Variants in KCTD1 observed in about 807,000 individuals in gnomAD.
The protein encoded by KCTD1 is BTB/POZ domain-containing protein KCTD1.
A neutral mutation model predicts 66.0 loss-of-function variants in KCTD1; 24 were observed. The ratio of observed to expected loss-of-function variants is 0.36; its 90% CI spans 0.26 to 0.51. The LOEUF (loss-of-function observed/expected upper bound fraction) is 0.51. KCTD1 is among the 20% of genes least tolerant of loss of function. The pLI is 0.95. For missense variants in KCTD1, 943 were observed against 1,205.2 expected (o/e 0.78, Z 3.22); for synonymous variants, 511 against 517.2 (o/e 0.99, Z 0.16).
intron 1 of KCTD1, among the ~76,000 whole-genome samples, chr18:26,528,644 T>C: frequency 6.6e-6 from 1 of 152,166 alleles, no homozygotes; most frequent in East Asian, 1.9e-4. Flanking sequence ...GCTCCCTCAA[T>C]TCTCGCCAAT....
chr18:26,527,791 A>G (rs994049577), intron 1 of KCTD1, among the ~76,000 whole-genome samples: 7 of 152,202 alleles, frequency 4.6e-5, no homozygotes, highest in Admixed American at 3.9e-4. Flanking sequence ...TTTTTGTTCA[A>G]TTTTGCTGTG....
chr18:26,589,895 C>T (rs1294964495), intron 1 of KCTD1, among the ~76,000 whole-genome samples: 1 of 152,098 alleles, frequency 6.6e-6, no homozygotes, highest in East Asian at 1.9e-4. Flanking sequence ...AGCATCTTCT[C>T]TGACTTCATG....
At chr18:26,623,011 G>A (rs1987421626) in intron 1 of KCTD1, among the ~76,000 whole-genome samples, 1 of 152,130 alleles carries the variant, frequency 6.6e-6, no homozygotes, top group African/African-American at 2.4e-5. Flanking sequence ...CATCAAATCT[G>A]GTTAATATGT....
At chr18:26,626,628 C>G (rs1470821624) in intron 1 of KCTD1, among the ~76,000 whole-genome samples, 1 of 152,096 alleles carries the variant, frequency 6.6e-6, no homozygotes, top group East Asian at 1.9e-4. Context: ...CACGGGCCAC[C>G]ATGCCTGGCT....
At position 26,547,452 on chromosome 18, in the gene KCTD1, C is replaced by T; in HGVS notation, c.1085G>A (p.Trp362Ter). ...GCTGCTCTCGGCGCGCTTCTTGCTCCACGACGACGAGCGCGACTTGTGGTA... is the reference window on the plus strand; with the variant it reads ...GCTGCTCTCGGCGCGCTTCTTGCTCTACGACGACGAGCGCGACTTGTGGTA... The part of the protein sequence containing the change: ...GPYHKSRSSS[W>*]SKKRAESSDE... Residue 362 changes from tryptophan (W) to a stop codon, truncating the protein, a stop_gained, in exon 1 of 5, where the codon TGG becomes TAG. Coordinates refer to ENST00000580059, the MANE Select transcript of KCTD1 (RefSeq NM_001142730.3). LOFTEE classifies it high-confidence loss of function. The T allele has an allele frequency of 6.4e-7, 1 of 1,551,474 alleles. No individual in the cohort carries two copies. The highest frequency in any genetic ancestry group is 8.7e-7 in the Non-Finnish European group (1 of 1,146,924).
intron 1 of KCTD1, among the ~76,000 whole-genome samples, chr18:26,572,772 A>G (rs1986138526): frequency 6.6e-6 from 1 of 152,212 alleles, no homozygotes; most frequent in South Asian, 2.1e-4. Flanking sequence ...ACCATGAGCT[A>G]GGTGAGGAGC....
chr18:26,641,443 C>G (rs1987832681), upstream of KCTD1, among the ~76,000 whole-genome samples: 1 of 152,228 alleles, frequency 6.6e-6, no homozygotes, highest in Non-Finnish European at 1.5e-5. Context: ...TTTGTGAATG[C>G]TTCCCATGGC....
chr18:26,464,468 C>G (rs1980614489), intron 3 of KCTD1, among the ~76,000 whole-genome samples: 1 of 152,244 alleles, frequency 6.6e-6, no homozygotes. Context: ...GTCCCCTTTG[C>G]CATGCAAAGC....
intron 1 of KCTD1, among the ~76,000 whole-genome samples, chr18:26,572,933 G>C (rs7237948): frequency 2.6e-5 from 4 of 152,126 alleles, no homozygotes; most frequent in Non-Finnish European, 4.4e-5. Context: ...ATATTAAGTA[G>C]ACAACTAAGT....
chr18:26,551,905 A>C (rs977577493), upstream of KCTD1, among the ~76,000 whole-genome samples: 3 of 152,216 alleles, frequency 2.0e-5, no homozygotes, highest in African/African-American at 7.2e-5. Flanking sequence ...GTCCGTTCAG[A>C]CTACCACCTT....
chr18:26,644,086 G>A (rs1356698953), upstream of KCTD1, among the ~76,000 whole-genome samples: 1 of 152,142 alleles, frequency 6.6e-6, no homozygotes, highest in African/African-American at 2.4e-5. Context: ...AATCCTATCT[G>A]ATTTGGTTCT....
At chr18:26,535,107 T>A in intron 1 of KCTD1, among the ~76,000 whole-genome samples, 1 of 56,626 alleles carries the variant, frequency 1.8e-5, no homozygotes, top group Non-Finnish European at 3.4e-5. Flanking sequence ...GGCCTGGGGT[T>A]GGGGGGTGGG....
rs372080599 is a variant in KCTD1 at position 26,579,061 on chromosome 18, C to T, written c.-16+50086G>A. ...ACCTGTTTTGTTTTTTTTTTCAGTCCGCCAAATACTGGATGCATATACAAG... is the reference window on the plus strand; with the variant it reads ...ACCTGTTTTGTTTTTTTTTTCAGTCTGCCAAATACTGGATGCATATACAAG... On this transcript the variant is annotated intron_variant, in intron 1 of 4. Coordinates refer to the KCTD1 transcript ENST00000317932. 2.2e-4 allele frequency among the ~76,000 whole-genome samples: 33 copies of T among 151,590 alleles called. No homozygotes were observed. The South Asian group carries it at 4.2e-3, about 19-fold the overall frequency.
chr18:26,645,044 T>C (rs1770942613), upstream of KCTD1, among the ~76,000 whole-genome samples: 1 of 152,206 alleles, frequency 6.6e-6, no homozygotes, highest in African/African-American at 2.4e-5. Flanking sequence ...AACGTGTATG[T>C]TCCAAGAATA....
At chr18:26,624,751 TG>T (rs1987462871) in intron 1 of KCTD1, among the ~76,000 whole-genome samples, 1 of 152,210 alleles carries the variant, frequency 6.6e-6, no homozygotes, top group East Asian at 1.9e-4. Flanking sequence ...CTAGTGGAAC[TG>T]TGAGAAGAGG....
chr18:26,532,853 T>A (rs906060646), intron 1 of KCTD1, among the ~76,000 whole-genome samples: 1 of 152,214 alleles, frequency 6.6e-6, no homozygotes, highest in Non-Finnish European at 1.5e-5. Context: ...CATGGTTTTA[T>A]TAGTTTTCCT....
At chr18:26,575,176 A>G (rs1986196284) in intron 1 of KCTD1, 1 of 152,152 alleles carries the variant, frequency 6.6e-6, no homozygotes, top group African/African-American at 2.4e-5. Context: ...GGAGTAGAAT[A>G]TTTCAGAAGT....
chr18:26,500,472 T>A (rs1289728658), intron 2 of KCTD1, among the ~76,000 whole-genome samples: 2 of 152,150 alleles, frequency 1.3e-5, no homozygotes, highest in South Asian at 4.2e-4. Flanking sequence ...TGGGAGGAGA[T>A]ATCTCATAAA....
intron 3 of KCTD1, among the ~76,000 whole-genome samples, chr18:26,469,854 C>T (rs761334632): frequency 1.3e-5 from 2 of 152,102 alleles, no homozygotes; most frequent in Non-Finnish European, 2.9e-5. Context: ...ATGTCCCTGC[C>T]TGGAGAATCG....
Sources: gnomAD v4.1 joint callset for allele counts (sites outside exome capture counted in the v4.1 genomes callset) on GRCh38, gnomAD v4.1.1 for gene constraint, MANE v1.5 for transcripts, NCBI Gene and HGNC (gene_info 2026-07-23, HGNC 2026-07-21) for gene names.